ENTPD4: variants seen among roughly 807,000 people sequenced by gnomAD.
ENTPD4 encodes the protein ectonucleoside triphosphate diphosphohydrolase 4, also known as Golgi UDPase.
A neutral mutation model predicts 79.1 loss-of-function variants in ENTPD4; 60 were observed. That is an observed-to-expected ratio of 0.76 (90% CI 0.62 to 0.94). The LOEUF is 0.94. Among genes scored for constraint, ENTPD4 ranks in the 40% least tolerant of loss-of-function variants. ENTPD4 has a pLI of 0.00. For synonymous variants in ENTPD4, 276 were observed against 292.0 expected, an observed-to-expected ratio of 0.95 and a Z score of 0.56; for missense variants, 772 against 775.1, an observed-to-expected ratio of 1.00 and a Z score of 0.05.
At chr8:23,453,433 A>G (rs193219392) in intron 1 of ENTPD4, among the ~76,000 whole-genome samples, 121 of 152,378 alleles carry the variant, frequency 7.9e-4, no homozygotes, top group African/African-American at 2.8e-3. Context: ...AAGTACTTGT[A>G]AAGTGCATGA....
chr8:23,435,167 A>G (rs1374432075), intron 11 of ENTPD4, among the ~76,000 whole-genome samples: 1 of 152,214 alleles, frequency 6.6e-6, no homozygotes, highest in East Asian at 1.9e-4. Flanking sequence ...AAAGGTATGA[A>G]CAGGGGAATT....
chr8:23,432,661 G>A lies in ENTPD4; in HGVS notation c.*265C>T. 1.4e-6 allele frequency: 1 copy of A among 733,134 alleles called. No homozygotes were observed. The highest frequency in any genetic ancestry group is 1.8e-6 in the Non-Finnish European group (1 of 543,930). The allele number at this position is 733,134 out of a possible 1,614,324, so 45.4% of individuals were successfully genotyped here. A position where few individuals can be genotyped will look rare whatever the true frequency, so the allele number is the denominator to read the frequency against. On this transcript the variant is annotated 3_prime_UTR_variant, in exon 13 of 13. Transcript: ENST00000358689. The stretch of plus-strand genomic sequence containing the variant: ...CTACGGGCGCCCGCCACCACACCCA[G>A]CTAATTTTTTGTATTTTTAGTAGAG...
chr8:23,438,088 A>G (rs754875782), intron 9 of ENTPD4, among the ~76,000 whole-genome samples: 1 of 152,216 alleles, frequency 6.6e-6, no homozygotes, highest in Non-Finnish European at 1.5e-5. Context: ...ACTGAAAGGC[A>G]CTAGGCTTAT....
At chr8:23,445,144 C>A (rs1257582698) in intron 4 of ENTPD4, among the ~76,000 whole-genome samples, 1 of 152,218 alleles carries the variant, frequency 6.6e-6, no homozygotes, top group Non-Finnish European at 1.5e-5. Context: ...GCGCTGGGCA[C>A]CCAGCAGCCC....
rs907036713 is a variant in ENTPD4, at chr8:23,429,959, A to G, written c.*2967T>C. 12 of 985,376 alleles carry G rather than the reference A, an allele frequency of 1.2e-5. No homozygotes were observed. The African/African-American group carries it at 2.1e-4, about 17-fold the overall frequency. The allele number at this position is 985,376 out of a possible 1,614,324, so 61.0% of individuals were successfully genotyped here. On this transcript the variant is annotated 3_prime_UTR_variant, in exon 13 of 13. Transcript: ENST00000358689. ...GAAGCCCATGATATGGCTATGGAAC[A>G]TAAGCACTTATTGCTGGCATGTTTC...
intron 12 of ENTPD4, 103 bp downstream of exon 12, chr8:23,434,214 C>T (rs1800512998): frequency 6.8e-7 from 1 of 1,474,398 alleles, no homozygotes; most frequent in African/African-American, 1.4e-5. Context: ...GTGGCCGGCT[C>T]TAACAGCAAT....
At chr8:23,446,173 C>T (rs902567526) in intron 4 of ENTPD4, among the ~76,000 whole-genome samples, 8 of 152,200 alleles carry the variant, frequency 5.3e-5, no homozygotes, top group African/African-American at 1.9e-4. Flanking sequence ...CCATTTCATA[C>T]ACTTTGTATA....
intron 6 of ENTPD4, among the ~76,000 whole-genome samples, chr8:23,443,149 C>T (rs575348079): frequency 6.8e-6 from 1 of 146,730 alleles, no homozygotes; most frequent in Non-Finnish European, 1.5e-5. Context: ...ATGTCACTTT[C>T]TCCATCATGG....
At chr8:23,441,323 C>G (rs1280837303) in intron 8 of ENTPD4, 1 of 625,982 alleles carries the variant, frequency 1.6e-6, no homozygotes, top group Non-Finnish European at 2.0e-6. Context: ...CTCAAGCATG[C>G]GACTGCGTAT....
In ENTPD4 at chr8:23,439,909, C is replaced by T; in HGVS notation, c.889G>A (p.Val297Ile). 1.2e-6 allele frequency: 2 copies of T among 1,613,738 alleles called. No homozygotes were observed. Among genetic ancestry groups the T allele is most frequent in the Non-Finnish European group, 1.7e-6 (2 of 1,179,572 alleles). The change falls in exon 9 of 13, where the codon GTA (valine) becomes ATA (isoleucine). Residue 297 changes from valine (V) to isoleucine (I), a missense_variant. Val to Ile is a conservative substitution (Grantham distance 29, BLOSUM62 3). Transcript: ENST00000358689. ...AATTCAGCTAACAAGTTTTTAGCTACTTCTTCCTGCAGACATAAGCATAAC... is the reference window on the plus strand; with the variant it reads ...AATTCAGCTAACAAGTTTTTAGCTATTTCTTCCTGCAGACATAAGCATAAC... ...VSFASSQQEEVAKNLLAEFNL... is the reference protein window; with the variant it reads ...VSFASSQQEEIAKNLLAEFNL...
At chr8:23,444,426 C>CGTGA in intron 5 of ENTPD4, 30 bp downstream of exon 5, 3 of 1,604,972 alleles carry the variant, frequency 1.9e-6, no homozygotes, top group Non-Finnish European at 2.6e-6. Flanking sequence ...AGGAACCCAC[C>CGTGA]CTCACCCTTG....
Position 23,433,018 on chromosome 8 carries a change from G to A in ENTPD4, c.1759C>T (p.Arg587Cys), listed in dbSNP as rs757245710. The A allele has an allele frequency of 2.5e-6, 4 of 1,613,862 alleles. No homozygotes were observed. Among genetic ancestry groups the A allele is most frequent in the South Asian group, 2.2e-5 (2 of 91,086 alleles). The stretch of plus-strand genomic sequence containing the variant: ...CTCCGGGGAGTGCGCCTGTGGATGC[G>A]CCGCAGCCGCAGCAGGTACAGCAGG... ...AILLYLLRLRRIHRRTPRSSS... is the reference protein window; with the variant it reads ...AILLYLLRLRCIHRRTPRSSS... Residue 587 changes from arginine (R) to cysteine (C), a missense_variant, in exon 13 of 13, where the codon CGC (arginine) becomes TGC (cysteine). Coordinates refer to ENST00000358689, the MANE Select transcript of ENTPD4 (RefSeq NM_004901.5).
Position 23,437,156 on chromosome 8 carries a change from T to C in ENTPD4, c.1152A>G (p.Ile384Met), listed in dbSNP as rs1249848456. The C allele has an allele frequency of 5.0e-6, 8 of 1,614,186 alleles. No individual in the cohort carries two copies. Among genetic ancestry groups the C allele is most frequent in the Non-Finnish European group, 6.8e-6 (8 of 1,180,008 alleles). ...KDEIQQNGQT[I>M]YLRGTGDFDL... Reference sequence around the variant, plus strand: ...CAAAGTCTCCAGTCCCTCGTAGGTATATGGTTTGTCCATTTTGCTGGATTT... The same window carrying C: ...CAAAGTCTCCAGTCCCTCGTAGGTACATGGTTTGTCCATTTTGCTGGATTT... The change falls in exon 10 of 13, where the codon ATA (isoleucine) becomes ATG (methionine). Residue 384 changes from isoleucine (I) to methionine (M), a missense_variant. By Grantham distance (10) the Ile-to-Met change is conservative. Coordinates refer to ENST00000358689, the MANE Select transcript of ENTPD4 (RefSeq NM_004901.5).
intron 3 of ENTPD4, 137 bp from the exon 4 acceptor site, chr8:23,448,022 G>A: frequency 4.6e-6 from 3 of 654,612 alleles, no homozygotes; most frequent in Non-Finnish European, 8.1e-6. Context: ...TACAACTGTT[G>A]AATAATTGAA....
chr8:23,436,182 T>C (rs982619649), intron 10 of ENTPD4, among the ~76,000 whole-genome samples: 1 of 152,170 alleles, frequency 6.6e-6, no homozygotes, highest in Non-Finnish European at 1.5e-5. Flanking sequence ...AAGCCAGCTG[T>C]CTGACATGAT....
intron 8 of ENTPD4, chr8:23,440,138 G>GA (rs1273625053): frequency 6.4e-6 from 3 of 470,576 alleles, no homozygotes; most frequent in African/African-American, 4.0e-5. Flanking sequence ...TTTTGAAAGA[G>GA]AAAGTCAGCA....
chr8:23,449,951 A>C lies in ENTPD4; in HGVS notation c.-51T>G. Reference sequence around the variant, plus strand: ...GCTCTGGGATTCAGTCCTTCTCACAAACAATTATAGAAATAATGCTGGGGT... The same window carrying C: ...GCTCTGGGATTCAGTCCTTCTCACACACAATTATAGAAATAATGCTGGGGT... On this transcript the variant is annotated 5_prime_UTR_variant, in exon 2 of 13. Transcript: ENST00000358689. The C allele has an allele frequency of 1.2e-6, 2 of 1,613,648 alleles. No individual in the cohort carries two copies. The highest frequency in any genetic ancestry group is 1.7e-6 in the Non-Finnish European group (2 of 1,179,566).
At position 23,432,996 on chromosome 8, in the gene ENTPD4, C is replaced by T. The variant is rs755651058; in HGVS notation, c.1781G>A (p.Arg594Gln). 9.3e-6 allele frequency: 15 copies of T among 1,613,716 alleles called. No homozygotes were observed. The highest frequency in any genetic ancestry group is 1.6e-4 in the Middle Eastern group (1 of 6,082). The change falls in exon 13 of 13, where the codon CGG becomes CAG. Residue 594 changes from arginine to glutamine, a missense_variant. Arg to Gln is a conservative substitution (Grantham distance 43). Coordinates refer to ENST00000358689, the MANE Select transcript of ENTPD4 (RefSeq NM_004901.5). ...CCAGAGGGCGGCGGCCGAGCTGCTC[C>T]GGGGAGTGCGCCTGTGGATGCGCCG... Reference protein sequence around the residue: ...RLRRIHRRTPRSSSAAALWME... With the variant: ...RLRRIHRRTPQSSSAAALWME...
rs1352181130 is a variant in ENTPD4 at position 23,430,403 on chromosome 8, T to C, written c.*2523A>G. On this transcript the variant is annotated 3_prime_UTR_variant, in exon 13 of 13. Coordinates refer to ENST00000358689, the MANE Select transcript of ENTPD4 (RefSeq NM_004901.5). Reference sequence around the variant, plus strand: ...TAAGATTGAAGTTTGGTTACTTCTCTTGTCCATCTTTTCGTGCCCACAAAT... The same window carrying C: ...TAAGATTGAAGTTTGGTTACTTCTCCTGTCCATCTTTTCGTGCCCACAAAT... 1 of 985,344 alleles carries C rather than the reference T, an allele frequency of 1.0e-6. No homozygotes were observed. Among genetic ancestry groups the C allele is most frequent in the African/African-American group, 1.7e-5 (1 of 57,244 alleles). The allele number at this position is 985,344 out of a possible 1,614,324, so 61.0% of individuals were successfully genotyped here. A position where few individuals can be genotyped will look rare whatever the true frequency, so the allele number is the denominator to read the frequency against.
Sources: gnomAD v4.1 joint callset for allele counts (sites outside exome capture counted in the v4.1 genomes callset) on GRCh38, gnomAD v4.1.1 for gene constraint, MANE v1.5 for transcripts, NCBI Gene and HGNC (gene_info 2026-07-23, HGNC 2026-07-21) for gene names.